SND1: variants seen among roughly 807,000 people sequenced by gnomAD.
The protein encoded by SND1 is staphylococcal nuclease and tudor domain containing 1.
SND1 carries 38 observed loss-of-function variants against 121.7 expected under a neutral mutation model. That is an observed-to-expected ratio of 0.31 (90% confidence interval 0.24 to 0.41). The LOEUF (loss-of-function observed/expected upper bound fraction) is 0.41. SND1 is among the 10% of genes least tolerant of loss of function. The probability of loss-of-function intolerance (pLI) is 1.00; values close to 1 mark genes in which losing one functional copy is unlikely to be tolerated. For synonymous variants in SND1, 401 were observed against 447.4 expected, an observed-to-expected ratio of 0.90 and a Z score of 1.31; for missense variants, 868 against 1,184.6, an observed-to-expected ratio of 0.73 and a Z score of 3.92.
intron 15 of SND1, among the ~76,000 whole-genome samples, chr7:127,979,957 G>A (rs970330395): frequency 2.6e-5 from 4 of 152,108 alleles, no homozygotes; most frequent in African/African-American, 9.7e-5. Flanking sequence ...AGATGAATAA[G>A]GCAAATGCCA....
In SND1 at chr7:127,858,523, T is replaced by C. The variant is rs889928101; in HGVS notation, c.1343+14099T>C. ...CTGCAGAAGTTCTGTACTTTGTTTATGCAGTGCAGATCTAAAGCAGCTGCC... is the reference window on the plus strand; with the variant it reads ...CTGCAGAAGTTCTGTACTTTGTTTACGCAGTGCAGATCTAAAGCAGCTGCC... On this transcript the variant is annotated intron_variant, in intron 12 of 23. Coordinates refer to ENST00000354725, the MANE Select transcript of SND1 (RefSeq NM_014390.4). 22 of 499,868 alleles carry C rather than the reference T, an allele frequency of 4.4e-5. No individual in the cohort carries two copies. The Admixed American group carries it at 6.1e-4, about 14-fold the overall frequency. 31.0% of individuals were successfully genotyped at this position (499,868 alleles called of 1,614,324 possible). A position where few individuals can be genotyped will look rare whatever the true frequency, so the allele number is the denominator to read the frequency against.
intron 12 of SND1, among the ~76,000 whole-genome samples, chr7:127,868,705 A>C (rs55820323): frequency 0.017 from 2,592 of 152,354 alleles, 92 homozygotes; most frequent in African/African-American, 0.059. Context: ...GTTTCATCTT[A>C]CTAAAGCCAG....
chr7:128,090,611 C>T (rs556051557), intron 22 of SND1, among the ~76,000 whole-genome samples: 8 of 152,300 alleles, frequency 5.3e-5, no homozygotes, highest in East Asian at 1.9e-4. Flanking sequence ...GCAAGAAAGG[C>T]GGGGCATGAA....
intron 16 of SND1, among the ~76,000 whole-genome samples, chr7:128,019,527 T>A (rs921126546): frequency 2.6e-5 from 4 of 152,194 alleles, no homozygotes; most frequent in African/African-American, 9.6e-5. Flanking sequence ...GGATGGAAAC[T>A]CATTTGCCTG....
intron 10 of SND1, among the ~76,000 whole-genome samples, chr7:127,734,663 A>C (rs1371006107): frequency 6.6e-6 from 1 of 152,128 alleles, no homozygotes; most frequent in African/African-American, 2.4e-5. Flanking sequence ...GCACCTTCTG[A>C]ACTGTGACTG....
chr7:127,798,458 G>A (rs1166780195), intron 10 of SND1, among the ~76,000 whole-genome samples: 1 of 152,094 alleles, frequency 6.6e-6, no homozygotes, highest in African/African-American at 2.4e-5. Flanking sequence ...TCCAGTAGCT[G>A]GAACTAAGGA....
chr7:127,718,980 A>G (rs1796442349), intron 9 of SND1, among the ~76,000 whole-genome samples: 1 of 152,178 alleles, frequency 6.6e-6, no homozygotes, highest in Non-Finnish European at 1.5e-5. Context: ...ATCATCTGAC[A>G]GTTACCCTCT....
At chr7:128,022,607 T>C (rs1584742713) in intron 16 of SND1, among the ~76,000 whole-genome samples, 4 of 152,230 alleles carry the variant, frequency 2.6e-5, no homozygotes, top group Admixed American at 2.6e-4. Context: ...ACTATTTTTA[T>C]TGGAAAACAC....
chr7:127,713,845 C>T (rs1313993408), intron 9 of SND1, among the ~76,000 whole-genome samples: 1 of 152,200 alleles, frequency 6.6e-6, no homozygotes, highest in East Asian at 1.9e-4. Flanking sequence ...AAGGGCTCTC[C>T]TTGTCTTTCC....
intron 12 of SND1, among the ~76,000 whole-genome samples, chr7:127,850,647 C>T (rs1207551156): frequency 6.6e-6 from 1 of 152,150 alleles, no homozygotes; most frequent in East Asian, 1.9e-4. Flanking sequence ...CCACTTAAAT[C>T]AGTAACAAAC....
intron 10 of SND1, among the ~76,000 whole-genome samples, chr7:127,790,422 G>T (rs933408414): frequency 6.6e-6 from 1 of 152,130 alleles, no homozygotes; most frequent in Admixed American, 6.5e-5. Context: ...CGTTAAAGAG[G>T]AATCATAATA....
chr7:127,852,861 A>G (rs1799197195), intron 12 of SND1, among the ~76,000 whole-genome samples: 1 of 152,146 alleles, frequency 6.6e-6, no homozygotes. Context: ...TGTCTGAATT[A>G]TCTGTTTCCT....
At chr7:127,726,886 G>C (rs1796590851) in intron 10 of SND1, among the ~76,000 whole-genome samples, 1 of 152,130 alleles carries the variant, frequency 6.6e-6, no homozygotes, top group Admixed American at 6.5e-5. Flanking sequence ...TTTCTTAGCT[G>C]TCTGTCTCTC....
chr7:127,969,525 A>G (rs1324119482), intron 15 of SND1, among the ~76,000 whole-genome samples: 3 of 152,138 alleles, frequency 2.0e-5, no homozygotes, highest in African/African-American at 7.2e-5. Flanking sequence ...GGAGATCGAG[A>G]CCAGCCTGGC....
chr7:128,091,977 C>G lies in SND1; in HGVS notation c.2668-16C>G, dbSNP rs763296854. 2 of 1,614,060 alleles carry G rather than the reference C, an allele frequency of 1.2e-6. No homozygotes were observed. The highest frequency in any genetic ancestry group is 1.1e-5 in the South Asian group (1 of 91,068). ...TCCCGTATCCCTGAAGAGCTATTGT[C>G]TGTTTTTTCTTACAGCTGAACCTGT... On this transcript the variant is annotated splice_polypyrimidine_tract_variant and intron_variant, in intron 23 of 23. Transcript: ENST00000354725.
chr7:127,868,029 C>T (rs1002417264), intron 12 of SND1, among the ~76,000 whole-genome samples: 1 of 152,164 alleles, frequency 6.6e-6, no homozygotes, highest in Non-Finnish European at 1.5e-5. Context: ...GCTGTAGGTA[C>T]TCCGTCTAAA....
At chr7:127,723,955 G>A (rs1796540080) in intron 10 of SND1, among the ~76,000 whole-genome samples, 1 of 152,112 alleles carries the variant, frequency 6.6e-6, no homozygotes, top group Non-Finnish European at 1.5e-5. Flanking sequence ...GGTATGTATT[G>A]TACATTGGCA....
At chr7:127,958,943 G>T (rs1334493829) in intron 15 of SND1, among the ~76,000 whole-genome samples, 5 of 152,172 alleles carry the variant, frequency 3.3e-5, no homozygotes, top group Non-Finnish European at 1.5e-5. Context: ...ATGCTGGCGG[G>T]TTCACTGATT....
At chr7:127,715,972 C>T (rs1227262632) in intron 9 of SND1, among the ~76,000 whole-genome samples, 2 of 152,140 alleles carry the variant, frequency 1.3e-5, no homozygotes, top group African/African-American at 4.8e-5. Flanking sequence ...TGAAGACAGT[C>T]ATTTCCTCAT....
Sources: gnomAD v4.1 joint callset for allele counts (sites outside exome capture counted in the v4.1 genomes callset) on GRCh38, gnomAD v4.1.1 for gene constraint, MANE v1.5 for transcripts, NCBI Gene and HGNC (gene_info 2026-07-23, HGNC 2026-07-21) for gene names.